Variants in TRMT11 observed in about 807,000 individuals in gnomAD.
The protein encoded by TRMT11 is tRNA methyltransferase 11, also known as tRNA (guanine(10)-N(2))-methyltransferase TRMT11.
TRMT11 carries 53 observed loss-of-function variants against 62.8 expected under a neutral mutation model. The observed-to-expected ratio is 0.84, with a 90% CI of 0.68 to 1.06. The LOEUF (loss-of-function observed/expected upper bound fraction) is 1.06. Among genes scored for constraint, TRMT11 ranks in the 50% least tolerant of loss-of-function variants. The pLI is 0.00. For synonymous variants in TRMT11, 188 were observed against 190.3 expected (o/e 0.99, Z 0.10); for missense variants, 556 against 553.4 (o/e 1.00, Z -0.05).
At chr6:126,124,672 G>T (rs1219492839) in intron 21 of TRMT11, among the ~76,000 whole-genome samples, 1 of 152,046 alleles carries the variant, frequency 6.6e-6, no homozygotes, top group African/African-American at 2.4e-5. Flanking sequence ...ATGATGAGAG[G>T]CTTGTAGATC....
At chr6:126,038,077 A>G (rs1345113109) in intron 12 of TRMT11, among the ~76,000 whole-genome samples, 2 of 152,046 alleles carry the variant, frequency 1.3e-5, no homozygotes, top group African/African-American at 4.8e-5. Context: ...ACATTAACCC[A>G]GGTTGCTATT....
chr6:126,091,861 A>G (rs1244586002), intron 17 of TRMT11, among the ~76,000 whole-genome samples: 1 of 152,204 alleles, frequency 6.6e-6, no homozygotes, highest in Non-Finnish European at 1.5e-5. Flanking sequence ...TGGCCGTAAA[A>G]TCGCCACATG....
intron 21 of TRMT11, among the ~76,000 whole-genome samples, chr6:126,140,798 A>G (rs1777908321): frequency 6.6e-6 from 1 of 152,060 alleles, no homozygotes; most frequent in Admixed American, 6.6e-5. Context: ...GTGGTCTCTC[A>G]GTGAAGTTAG....
In TRMT11 at chr6:126,167,710, T is replaced by A. The variant is rs1277778338; in HGVS notation, c.*1824-7115T>A. Among the ~76,000 whole-genome samples the A allele has an allele frequency of 5.9e-5, 9 of 152,338 alleles. No individual in the cohort carries two copies. The East Asian group carries it at 1.7e-3, about 29-fold the overall frequency. On this transcript the variant is annotated intron_variant and NMD_transcript_variant, in intron 21 of 22. Coordinates refer to the TRMT11 transcript ENST00000648977. ...TATGGTGTGTGTCTGTATTTGTGCCTATGGATAATCATTAGTTTCTCAAAT... is the reference window on the plus strand; with the variant it reads ...TATGGTGTGTGTCTGTATTTGTGCCAATGGATAATCATTAGTTTCTCAAAT...
intron 21 of TRMT11, among the ~76,000 whole-genome samples, chr6:126,156,875 A>T (rs1007947801): frequency 6.6e-6 from 1 of 152,204 alleles, no homozygotes; most frequent in African/African-American, 2.4e-5. Context: ...TGGAGATTAA[A>T]TTTTAACATG....
At chr6:125,990,569 T>C (rs1309963727) in intron 1 of TRMT11, among the ~76,000 whole-genome samples, 1 of 152,226 alleles carries the variant, frequency 6.6e-6, no homozygotes, top group East Asian at 1.9e-4. Flanking sequence ...TGTCCTCTCC[T>C]GGATGTTGGT....
intron 1 of TRMT11, chr6:125,987,307 A>T (rs1789812085): frequency 6.6e-6 from 1 of 152,236 alleles, no homozygotes; most frequent in African/African-American, 2.4e-5. Context: ...TCCAGAGGAG[A>T]TGACACTTGA....
At chr6:126,269,035 G>T in the TRMT11 span, among the ~76,000 whole-genome samples, 1 of 151,676 alleles carries the variant, frequency 6.6e-6, no homozygotes, top group Non-Finnish European at 1.5e-5. Flanking sequence ...GCCGAGGCGG[G>T]CGGATCACGA....
intron 17 of TRMT11, among the ~76,000 whole-genome samples, chr6:126,081,829 T>C (rs888315755): frequency 5.9e-5 from 9 of 152,156 alleles, no homozygotes; most frequent in African/African-American, 2.2e-4. Flanking sequence ...GCAGATCCAG[T>C]GATAATATGT....
chr6:126,173,186 C>T (rs957495016), upstream of TRMT11, among the ~76,000 whole-genome samples: 1 of 152,112 alleles, frequency 6.6e-6, no homozygotes, highest in Non-Finnish European at 1.5e-5. Flanking sequence ...AGTTCTCTTG[C>T]CCTTGCTAAG....
At chr6:126,095,983 G>GGTAA (rs1174784121) in intron 17 of TRMT11, among the ~76,000 whole-genome samples, 2 of 152,162 alleles carry the variant, frequency 1.3e-5, no homozygotes, top group African/African-American at 4.8e-5. Flanking sequence ...AAAGAAAAGA[G>GGTAA]GTAACACTGG....
chr6:126,202,099 T>C (rs1181504799), exon 4 of TRMT11: 1 of 152,196 alleles, frequency 6.6e-6, no homozygotes, highest in Non-Finnish European at 1.5e-5. Context: ...TTAACCATTT[T>C]GCCAGCCACA....
Position 126,013,063 on chromosome 6 carries a change from TG to T in TRMT11, c.1103del (p.Gly368GlufsTer3). 1.2e-6 allele frequency: 2 copies of T among 1,613,914 alleles called. No individual in the cohort carries two copies. Among genetic ancestry groups the T allele is most frequent in the Non-Finnish European group, 1.7e-6 (2 of 1,179,928 alleles). Reference protein sequence around the residue: ...NFAAETLVLGGRLVYWLPVYT... With the variant: ...NFAAETLVLGXRLVYWLPVYT... ...TCGCAGCTGAGACCCTCGTTTTAGG[TG>T]GAAGACTAGTCTATTGGTTACCGGT... On this transcript the variant is annotated frameshift_variant, in exon 11 of 13. Coordinates refer to ENST00000334379, the MANE Select transcript of TRMT11 (RefSeq NM_001031712.3). LOFTEE classifies it high-confidence loss of function.
At chr6:126,151,834 CTT>C (rs1281033187) in intron 21 of TRMT11, among the ~76,000 whole-genome samples, 1 of 121,160 alleles carries the variant, frequency 8.3e-6, no homozygotes, top group Non-Finnish European at 1.7e-5. Context: ...TTCTTTCTTT[CTT>C]TCTTTCTTTC....
chr6:126,259,213 T>C, the TRMT11 span, among the ~76,000 whole-genome samples: 3 of 152,190 alleles, frequency 2.0e-5, no homozygotes, highest in Admixed American at 6.5e-5. Flanking sequence ...TTTTAAAAAA[T>C]TGAGATGGAG....
At chr6:126,196,682 G>C (rs927108766) in intron 1 of TRMT11, among the ~76,000 whole-genome samples, 1 of 151,998 alleles carries the variant, frequency 6.6e-6, no homozygotes, top group Non-Finnish European at 1.5e-5. Flanking sequence ...AAGCGTAAAA[G>C]TACATACTTC....
chr6:125,987,953 A>G (rs1789936392), intron 1 of TRMT11, among the ~76,000 whole-genome samples: 1 of 152,224 alleles, frequency 6.6e-6, no homozygotes, highest in South Asian at 2.1e-4. Context: ...AGTCTTCTTC[A>G]TATGAAAACT....
chr6:126,222,634 A>G, the TRMT11 span, among the ~76,000 whole-genome samples: 1 of 151,736 alleles, frequency 6.6e-6, no homozygotes, highest in Non-Finnish European at 1.5e-5. Context: ...CTTGGACTTT[A>G]TTAGTATATA....
At chr6:126,026,241 A>T (rs79007501) in intron 12 of TRMT11, among the ~76,000 whole-genome samples, 1 of 152,330 alleles carries the variant, frequency 6.6e-6, no homozygotes, top group Non-Finnish European at 1.5e-5. Context: ...TTGCTTAAAT[A>T]GTAAGTGGAA....
Sources: allele counts gnomAD v4.1 joint callset (sites outside exome capture counted in the v4.1 genomes callset), GRCh38; gene constraint gnomAD v4.1.1; transcripts MANE v1.5; gene names NCBI Gene and HGNC (gene_info 2026-07-23, HGNC 2026-07-21).